The following MTMR3 variants were observed in gnomAD, a reference collection of about 807,000 sequenced individuals.
The protein encoded by MTMR3 is myotubularin related protein 3, also known as phosphatidylinositol-3,5-bisphosphate 3-phosphatase MTMR3.
A neutral mutation model predicts 132.4 loss-of-function variants in MTMR3; 32 were observed. That is an observed-to-expected ratio of 0.24 (90% CI 0.18 to 0.32). The LOEUF is 0.32. Ranked by LOEUF, MTMR3 falls within the 10% of genes least tolerant of loss-of-function variation. The pLI, the probability that MTMR3 is intolerant of heterozygous loss-of-function variation, is 1.00. For missense variants in MTMR3, 1,216 were observed against 1,489.6 expected, an observed-to-expected ratio of 0.82 and a Z score of 3.02; for synonymous variants, 556 against 550.3, an observed-to-expected ratio of 1.01 and a Z score of -0.14.
At chr22:29,969,853 A>G (rs9614122) in intron 2 of MTMR3, among the ~76,000 whole-genome samples, 29,374 of 152,094 alleles carry the variant, frequency 0.19, 3,193 homozygotes, top group African/African-American at 0.29. Flanking sequence ...AGAGTAAGTC[A>G]TCTCCTACCA....
intron 1 of MTMR3, among the ~76,000 whole-genome samples, chr22:29,946,848 G>A (rs1326582832): frequency 2.6e-5 from 4 of 151,876 alleles, no homozygotes; most frequent in African/African-American, 4.8e-5. Flanking sequence ...GCTCAGTAGC[G>A]CAAATATAGT....
chr22:29,925,397 A>G (rs1319000385), intron 1 of MTMR3, among the ~76,000 whole-genome samples: 1 of 152,328 alleles, frequency 6.6e-6, no homozygotes, highest in South Asian at 2.1e-4. Context: ...TTGGACTGGT[A>G]GCTTGCAAAC....
At chr22:29,936,608 G>A (rs1462770126) in intron 1 of MTMR3, among the ~76,000 whole-genome samples, 7 of 152,144 alleles carry the variant, frequency 4.6e-5, no homozygotes, top group Admixed American at 4.6e-4. Flanking sequence ...GCAGTGCTTG[G>A]CTGGAGGATA....
intron 7 of MTMR3, chr22:29,997,090 A>G (rs1456068112): frequency 6.6e-6 from 1 of 152,162 alleles, no homozygotes; most frequent in Non-Finnish European, 1.5e-5. Flanking sequence ...TGGCACCCCA[A>G]TTCAGATAGT....
chr22:29,885,222 G>T (rs1431298959), intron 1 of MTMR3, among the ~76,000 whole-genome samples: 1 of 152,126 alleles, frequency 6.6e-6, no homozygotes, highest in African/African-American at 2.4e-5. Context: ...TCCTTACAAA[G>T]CTCCGTGAAT....
chr22:29,925,384 A>G (rs2065495289), intron 1 of MTMR3, among the ~76,000 whole-genome samples: 1 of 152,166 alleles, frequency 6.6e-6, no homozygotes, highest in African/African-American at 2.4e-5. Context: ...CTGTCTGGAT[A>G]TATTGGACTG....
At chr22:29,929,574 A>G (rs1421739839) in intron 1 of MTMR3, among the ~76,000 whole-genome samples, 4 of 151,560 alleles carry the variant, frequency 2.6e-5, no homozygotes, top group South Asian at 2.1e-4. Flanking sequence ...TAGTGGCGCA[A>G]TCTCGGCTCA....
intron 1 of MTMR3, among the ~76,000 whole-genome samples, chr22:29,943,199 T>TC (rs2065890220): frequency 1.3e-5 from 2 of 152,050 alleles, no homozygotes; most frequent in African/African-American, 2.4e-5. Flanking sequence ...TTTCTTTTTT[T>TC]CTTTTTTTTT....
chr22:29,917,506 G>T (rs920097819), intron 1 of MTMR3, among the ~76,000 whole-genome samples: 2 of 152,114 alleles, frequency 1.3e-5, no homozygotes, highest in African/African-American at 4.8e-5. Flanking sequence ...CAAAAAAATT[G>T]CACTGGGATT....
intron 1 of MTMR3, among the ~76,000 whole-genome samples, chr22:29,953,950 T>C (rs952960719): frequency 2.0e-5 from 3 of 152,132 alleles, no homozygotes; most frequent in African/African-American, 7.2e-5. Flanking sequence ...ACTACTCTTA[T>C]TCCTTAAGGT....
chr22:29,986,328 A>G (rs1707292641), intron 5 of MTMR3: 2 of 152,956 alleles, frequency 1.3e-5, no homozygotes, highest in Non-Finnish European at 2.9e-5. Context: ...TTGGGGGGAT[A>G]TAGTGAGTAA....
intron 7 of MTMR3, 187 bp from the exon 8 acceptor site, chr22:29,998,574 C>T (rs1376956537): frequency 1.8e-5 from 5 of 273,362 alleles, no homozygotes; most frequent in Admixed American, 1.1e-4. Flanking sequence ...ACCTGGGAGG[C>T]GGAAGTTTCA....
In MTMR3 at chr22:30,020,636, T is replaced by C; in HGVS notation, c.2977T>C (p.Trp993Arg). ...HLHSRNLHHK[W>R]LHSHSGRPSA... Reference sequence around the variant, plus strand: ...ACACTCAAGGAACTTGCACCACAAGTGGCTGCATAGCCACTCAGGAAGGCC... The same window carrying C: ...ACACTCAAGGAACTTGCACCACAAGCGGCTGCATAGCCACTCAGGAAGGCC... The change falls in exon 17 of 20, where the codon TGG (tryptophan) becomes CGG (arginine). Residue 993 changes from tryptophan (W) to arginine (R), a missense_variant. Physicochemically the swap from Trp to Arg is moderately radical, Grantham distance 101. This residue lies in a region of MTMR3 where 852 missense variants were observed against 852.0 expected (regional missense o/e 1.00). Coordinates refer to ENST00000401950, the MANE Select transcript of MTMR3 (RefSeq NM_021090.4). 1 of 1,614,174 alleles carries C rather than the reference T, an allele frequency of 6.2e-7. No homozygotes were observed. The highest frequency in any genetic ancestry group is 8.5e-7 in the Non-Finnish European group (1 of 1,180,030).
chr22:29,949,999 T>TTC (rs1264910670), intron 1 of MTMR3, among the ~76,000 whole-genome samples: 2 of 152,186 alleles, frequency 1.3e-5, no homozygotes, highest in Admixed American at 6.5e-5. Context: ...TTCTTTCCTC[T>TTC]TCACCAGAGG....
At chr22:29,965,221 C>A (rs1444636847) in intron 2 of MTMR3, among the ~76,000 whole-genome samples, 1 of 151,830 alleles carries the variant, frequency 6.6e-6, no homozygotes, top group Non-Finnish European at 1.5e-5. Flanking sequence ...CAGTGTCATA[C>A]TGTCTAACAC....
intron 1 of MTMR3, among the ~76,000 whole-genome samples, chr22:29,907,554 G>A (rs2065128095): frequency 6.6e-6 from 1 of 152,116 alleles, no homozygotes; most frequent in Non-Finnish European, 1.5e-5. Flanking sequence ...TAACTTCAGA[G>A]TTCTTACCTG....
intron 1 of MTMR3, among the ~76,000 whole-genome samples, chr22:29,942,121 C>G (rs1194974510): frequency 6.6e-6 from 1 of 152,116 alleles, no homozygotes; most frequent in Non-Finnish European, 1.5e-5. Flanking sequence ...CACGTAGGTT[C>G]TTTTCTATTT....
At chr22:30,019,137 G>A (rs1238373702) in intron 16 of MTMR3, 1 of 188,256 alleles carries the variant, frequency 5.3e-6, no homozygotes, top group East Asian at 1.3e-4. Context: ...CTGGGAGGCG[G>A]AGGTTGCAGT....
chr22:29,931,002 C>T (rs1350174058), intron 1 of MTMR3, among the ~76,000 whole-genome samples: 3 of 143,440 alleles, frequency 2.1e-5, no homozygotes, highest in Non-Finnish European at 4.5e-5. Flanking sequence ...GTGTGAGACG[C>T]TGTCTCAAAA....
Sources: allele counts gnomAD v4.1 joint callset (sites outside exome capture counted in the v4.1 genomes callset), GRCh38; gene constraint gnomAD v4.1.1; regional missense constraint gnomAD v4.1.1; transcripts MANE v1.5; gene names NCBI Gene and HGNC (gene_info 2026-07-23, HGNC 2026-07-21).